Variants in APBB2 observed in about 807,000 individuals in gnomAD.
APBB2 encodes the protein Fe65-like 1.
In APBB2, 38 loss-of-function variants were observed where a neutral mutation model predicts 82.5. That is an observed-to-expected ratio of 0.46 (90% CI 0.36 to 0.60). The LOEUF is 0.60. Among genes scored for constraint, APBB2 ranks in the 20% least tolerant of loss-of-function variants. The probability of loss-of-function intolerance (pLI) is 0.00; values close to 1 mark genes in which losing one functional copy is unlikely to be tolerated. For synonymous variants in APBB2, 341 were observed against 368.2 expected (o/e 0.93, Z 0.85); for missense variants, 772 against 972.3 (o/e 0.79, Z 2.74).
At chr4:41,212,837 C>G (rs1216514982) in intron 1 of APBB2, among the ~76,000 whole-genome samples, 1 of 152,212 alleles carries the variant, frequency 6.6e-6, no homozygotes, top group Non-Finnish European at 1.5e-5. Flanking sequence ...TTTCCCCATT[C>G]TCGCCACAAA....
intron 12 of APBB2, among the ~76,000 whole-genome samples, chr4:40,835,091 C>T (rs1164621143): frequency 6.6e-6 from 1 of 152,006 alleles, no homozygotes; most frequent in Non-Finnish European, 1.5e-5. Flanking sequence ...TCCTGGCTAA[C>T]ACGTGAAACC....
intron 7 of APBB2, 89 bp from the exon 8 acceptor site, chr4:40,935,228 T>C: frequency 1.0e-6 from 1 of 962,392 alleles, no homozygotes; most frequent in East Asian, 2.6e-5. Context: ...AAGACACTGT[T>C]GTTAGCATTG....
chr4:41,062,129 C>T (rs577285010), intron 4 of APBB2, among the ~76,000 whole-genome samples: 2 of 151,916 alleles, frequency 1.3e-5, no homozygotes, highest in Non-Finnish European at 1.5e-5. Flanking sequence ...CTCTGCAGAA[C>T]GTCAGCTTGA....
intron 12 of APBB2, among the ~76,000 whole-genome samples, chr4:40,851,736 ATATTTTTTTT>A (rs137902252): frequency 0.31 from 25,767 of 82,774 alleles, 2,678 homozygotes; most frequent in Non-Finnish European, 0.36. Context: ...ATATATATAT[ATATTTTTTTT>A]TTTTTTTTTT....
intron 1 of APBB2, among the ~76,000 whole-genome samples, chr4:41,147,481 C>CTTTTTT (rs558746840): frequency 5.8e-5 from 6 of 103,108 alleles, no homozygotes; most frequent in Admixed American, 3.2e-4. Context: ...GTTTGGCCAG[C>CTTTTTT]TTTTTTTTTT....
chr4:40,870,420 A>G (rs952980485), intron 12 of APBB2, among the ~76,000 whole-genome samples: 1 of 152,226 alleles, frequency 6.6e-6, no homozygotes, highest in Non-Finnish European at 1.5e-5. Flanking sequence ...TCTCTACACA[A>G]GAGGGCCCTG....
At chr4:40,907,345 TTACATATATATATATATATA>T (rs1394355645) in intron 10 of APBB2, among the ~76,000 whole-genome samples, 3 of 104,968 alleles carry the variant, frequency 2.9e-5, no homozygotes, top group African/African-American at 1.2e-4. Flanking sequence ...ATTTAATATA[TTACATATATATATATATATA>T]TATATATATA....
At chr4:40,947,329 T>C (rs1166544376) in intron 6 of APBB2, among the ~76,000 whole-genome samples, 3 of 152,176 alleles carry the variant, frequency 2.0e-5, no homozygotes, top group Non-Finnish European at 4.4e-5. Flanking sequence ...ACCATTTCTG[T>C]GGTTTATGAG....
At chr4:40,905,350 A>G (rs1045902874) in intron 10 of APBB2, among the ~76,000 whole-genome samples, 1 of 152,198 alleles carries the variant, frequency 6.6e-6, no homozygotes, top group African/African-American at 2.4e-5. Flanking sequence ...CATACAAAAT[A>G]AAAGCTACAT....
chr4:40,842,294 A>G, intron 12 of APBB2: 1 of 428,526 alleles, frequency 2.3e-6, no homozygotes, highest in South Asian at 1.6e-5. Flanking sequence ...GCAATGCGAC[A>G]TGAAGAAAGC....
At chr4:40,908,019 G>A (rs1389259644) in intron 10 of APBB2, among the ~76,000 whole-genome samples, 2 of 151,636 alleles carry the variant, frequency 1.3e-5, no homozygotes, top group Non-Finnish European at 1.5e-5. Flanking sequence ...TATGTGGTGT[G>A]TGTGTGTGGC....
intron 1 of APBB2, among the ~76,000 whole-genome samples, chr4:41,148,035 A>C (rs1404306906): frequency 6.6e-6 from 1 of 152,192 alleles, no homozygotes; most frequent in Non-Finnish European, 1.5e-5. Flanking sequence ...ATGTCTGGGA[A>C]AGAAGAATAT....
At chr4:40,982,547 T>C (rs191047516) in intron 6 of APBB2, among the ~76,000 whole-genome samples, 5 of 151,196 alleles carry the variant, frequency 3.3e-5, no homozygotes, top group South Asian at 2.1e-4. Flanking sequence ...GGCAGGTGGA[T>C]TGCTTGAGCT....
At chr4:41,210,247 C>T (rs139162176) in intron 1 of APBB2, among the ~76,000 whole-genome samples, 1 of 152,318 alleles carries the variant, frequency 6.6e-6, no homozygotes, top group East Asian at 1.9e-4. Flanking sequence ...CCTCGAATGG[C>T]TGCATCACAG....
intron 12 of APBB2, among the ~76,000 whole-genome samples, chr4:40,877,851 G>C (rs1364329291): frequency 6.6e-6 from 1 of 152,194 alleles, no homozygotes; most frequent in Non-Finnish European, 1.5e-5. Context: ...GTGGCAAAGT[G>C]ACTCTTAACT....
chr4:41,115,522 C>A (rs1750687749), intron 2 of APBB2, among the ~76,000 whole-genome samples: 1 of 152,100 alleles, frequency 6.6e-6, no homozygotes, highest in African/African-American at 2.4e-5. Flanking sequence ...AAACTATCAT[C>A]AGAGTGAACA....
At chr4:40,931,508 A>C (rs1313098580) in intron 10 of APBB2, among the ~76,000 whole-genome samples, 1 of 152,148 alleles carries the variant, frequency 6.6e-6, no homozygotes, top group Non-Finnish European at 1.5e-5. Context: ...GGGCTCTCGA[A>C]GTGCTGAGAT....
At chr4:41,044,313 C>T (rs1426789055) in intron 4 of APBB2, among the ~76,000 whole-genome samples, 1 of 152,004 alleles carries the variant, frequency 6.6e-6, no homozygotes, top group Non-Finnish European at 1.5e-5. Context: ...TTTTTAATAT[C>T]ATAATCTCAT....
intron 12 of APBB2, among the ~76,000 whole-genome samples, chr4:40,833,554 G>A (rs1020661024): frequency 9.8e-6 from 1 of 102,546 alleles, no homozygotes; most frequent in East Asian, 2.0e-4. Context: ...AGAAGAGGTC[G>A]TTATATCATA....
Sources: allele counts gnomAD v4.1 joint callset (sites outside exome capture counted in the v4.1 genomes callset), GRCh38; gene constraint gnomAD v4.1.1; transcripts MANE v1.5; gene names NCBI Gene and HGNC (gene_info 2026-07-23, HGNC 2026-07-21).